Variants in INTS3 observed in about 807,000 individuals in gnomAD.
The protein encoded by INTS3 is SOSS complex subunit A.
INTS3 carries 34 observed loss-of-function variants against 146.3 expected under a neutral mutation model. The ratio of observed to expected loss-of-function variants is 0.23; its 90% CI spans 0.18 to 0.31. The LOEUF is 0.31. Among genes scored for constraint, INTS3 ranks in the 10% least tolerant of loss-of-function variants. The probability of loss-of-function intolerance (pLI) is 1.00; values close to 1 mark genes in which losing one functional copy is unlikely to be tolerated. For synonymous variants in INTS3, 475 were observed against 494.9 expected, an observed-to-expected ratio of 0.96 and a Z score of 0.53; for missense variants, 757 against 1,304.2, an observed-to-expected ratio of 0.58 and a Z score of 6.46.
chr1:153,751,365 C>A, intron 7 of INTS3, 126 bp downstream of exon 7: 1 of 916,662 alleles, frequency 1.1e-6, no homozygotes. Context: ...TGGTGTTTTC[C>A]ATCATTCATC....
chr1:153,750,098 A>T (rs893622224), intron 6 of INTS3, among the ~76,000 whole-genome samples: 2 of 152,342 alleles, frequency 1.3e-5, no homozygotes, highest in East Asian at 3.9e-4. Flanking sequence ...TGGCTAGTGT[A>T]TCCATTCTGT....
At chr1:153,748,843 G>A in intron 6 of INTS3, 88 bp downstream of exon 6, 1 of 1,078,442 alleles carries the variant, frequency 9.3e-7, no homozygotes, top group Non-Finnish European at 1.4e-6. Flanking sequence ...AGGATTGTGT[G>A]GCCCAAGAAC....
chr1:153,741,509 CT>C, intron 3 of INTS3, 141 bp downstream of exon 3: 1 of 619,168 alleles, frequency 1.6e-6, no homozygotes. Context: ...TTACAAGTCC[CT>C]TTTTACTCAG....
rs1234962536 is a variant in INTS3 at position 153,768,873 on chromosome 1, C to G, written c.2245-20C>G. The G allele has an allele frequency of 1.2e-6, 2 of 1,604,906 alleles. No individual in the cohort carries two copies. The highest frequency in any genetic ancestry group is 3.5e-4 in the Middle Eastern group (2 of 5,786). Reference sequence around the variant, plus strand: ...CTGAGGAGCCCATCCAGGACTCTTCCCCTCTCTTTTTCCATTTAGTTTCCA... The same window carrying G: ...CTGAGGAGCCCATCCAGGACTCTTCGCCTCTCTTTTTCCATTTAGTTTCCA... On this transcript the variant is annotated intron_variant, in intron 21 of 29. Transcript: ENST00000318967.
At chr1:153,771,772 C>T (rs1319319056) in intron 25 of INTS3, 24 bp from the exon 26 acceptor site, 23 of 1,600,942 alleles carry the variant, frequency 1.4e-5, no homozygotes, top group Admixed American at 5.0e-5. Context: ...GCAAGCAGCA[C>T]CCAGTGCCCC....
chr1:153,759,426 A>G, intron 10 of INTS3, 100 bp from the exon 11 acceptor site: 1 of 808,122 alleles, frequency 1.2e-6, no homozygotes, highest in East Asian at 2.4e-5. Flanking sequence ...AATTTCATAG[A>G]TGAAACAGCC....
Position 153,762,801 on chromosome 1 carries a change from T to C in INTS3, c.1590T>C (p.Asn530=). ...MSDKDESCYD[N]AEAAFSDDEE... is the part of the protein sequence containing the mutation. ...ATAAGGATGAGAGTTGCTATGACAA[T>C]GCAGAGGCAGCCTTCAGTGACGATG... The change falls in exon 15 of 30, where the codon AAT becomes AAC. Residue 530 remains asparagine, a synonymous_variant. Transcript: ENST00000318967. 2 of 1,614,148 alleles carry C rather than the reference T, an allele frequency of 1.2e-6. No homozygotes were observed. The highest frequency in any genetic ancestry group is 1.7e-6 in the Non-Finnish European group (2 of 1,180,036).
rs867764786 is a variant in INTS3, at chr1:153,764,824, G to A, written c.1970+90G>A. 116 of 1,529,722 alleles carry A rather than the reference G, an allele frequency of 7.6e-5. No individual in the cohort carries two copies. The African/African-American group carries it at 1.1e-3, about 14-fold the overall frequency. 94.8% of individuals were successfully genotyped at this position (1,529,722 alleles called of 1,614,324 possible). ...CTCCTGTCCTGGGGTAATGGGACTCGCTTTCCAGGGAGGAGGACATATGCT... is the reference window on the plus strand; with the variant it reads ...CTCCTGTCCTGGGGTAATGGGACTCACTTTCCAGGGAGGAGGACATATGCT... On this transcript the variant is annotated intron_variant, in intron 19 of 29. Transcript: ENST00000318967.
At chr1:153,746,855 G>GT (rs1411784092) in intron 3 of INTS3, 102 bp from the exon 4 acceptor site, 1 of 684,684 alleles carries the variant, frequency 1.5e-6, no homozygotes, top group Non-Finnish European at 2.6e-6. Flanking sequence ...TCTTATTGGT[G>GT]TTATTTAAGT....
At chr1:153,771,749 C>T in intron 25 of INTS3, 47 bp from the exon 26 acceptor site, 1 of 1,567,898 alleles carries the variant, frequency 6.4e-7, no homozygotes, top group South Asian at 1.2e-5. Context: ...CCAGCATGCC[C>T]TGCGGCCACT....
At chr1:153,734,855 T>C (rs1242008847) in intron 1 of INTS3, among the ~76,000 whole-genome samples, 1 of 152,230 alleles carries the variant, frequency 6.6e-6, no homozygotes, top group Admixed American at 6.5e-5. Context: ...GTAGGAGTTT[T>C]CAGGAATCTT....
At chr1:153,760,566 T>C in intron 12 of INTS3, 176 bp downstream of exon 12, 1 of 633,624 alleles carries the variant, frequency 1.6e-6, no homozygotes, top group South Asian at 1.9e-5. Context: ...CTGTCTGCAC[T>C]TGGATCTTCC....
chr1:153,768,866 ACTCTTCCCCT>A lies in INTS3; in HGVS notation c.2245-21_2245-12del, dbSNP rs1314031563. The stretch of plus-strand genomic sequence containing the variant: ...ATAAAAGCTGAGGAGCCCATCCAGG[ACTCTTCCCCT>A]CTCTTTTTCCATTTAGTTTCCAGAT... On this transcript the variant is annotated splice_polypyrimidine_tract_variant and intron_variant, in intron 21 of 29. Transcript: ENST00000318967. The A allele has an allele frequency of 1.3e-6, 2 of 1,587,376 alleles. No homozygotes were observed. Among genetic ancestry groups the A allele is most frequent in the African/African-American group, 2.7e-5 (2 of 74,268 alleles).
chr1:153,754,776 C>T lies in INTS3; in HGVS notation c.957+37C>T, dbSNP rs770701179. ...TGTTGCAGCAAGAGAAGAGGTCACA[C>T]GCTGGCTGGGCTTCTTGCTTCGGTC... On this transcript the variant is annotated intron_variant, in intron 9 of 29. Transcript: ENST00000318967. The T allele has an allele frequency of 7.5e-6, 10 of 1,337,034 alleles. No individual in the cohort carries two copies. In the East Asian group the frequency reaches 1.6e-4, roughly 21 times the overall value. 82.8% of individuals were successfully genotyped at this position (1,337,034 alleles called of 1,614,324 possible).
intron 20 of INTS3, among the ~76,000 whole-genome samples, chr1:153,765,766 C>G (rs889587463): frequency 6.6e-6 from 1 of 152,010 alleles, no homozygotes; most frequent in African/African-American, 2.4e-5. Flanking sequence ...GACAGGGTTT[C>G]TCTGTGTTGG....
At position 153,741,489 on chromosome 1, in the gene INTS3, C is replaced by T. The variant is rs998205752; in HGVS notation, c.318+121C>T. 3 of 705,322 alleles carry T rather than the reference C, an allele frequency of 4.3e-6. No individual in the cohort carries two copies. In the African/African-American group the frequency reaches 5.3e-5, roughly 13 times the overall value. 43.7% of individuals were successfully genotyped at this position (705,322 alleles called of 1,614,324 possible). Reference sequence around the variant, plus strand: ...GACCAGAGCTGGATCACCTTGTTCTCCAAATATAGTTACAAGTCCCTTTTT... The same window carrying T: ...GACCAGAGCTGGATCACCTTGTTCTTCAAATATAGTTACAAGTCCCTTTTT... On this transcript the variant is annotated intron_variant, in intron 3 of 29. Coordinates refer to ENST00000318967, the MANE Select transcript of INTS3 (RefSeq NM_023015.5).
intron 21 of INTS3, 68 bp from the exon 22 acceptor site, chr1:153,768,825 G>T: frequency 8.3e-7 from 1 of 1,208,552 alleles, no homozygotes; most frequent in Non-Finnish European, 1.2e-6. Context: ...AATAAGGAAG[G>T]AGAGTGGGCT....
intron 1 of INTS3, among the ~76,000 whole-genome samples, chr1:153,733,247 C>G (rs1671154469): frequency 9.9e-6 from 1 of 101,372 alleles, no homozygotes; most frequent in Non-Finnish European, 1.8e-5. Flanking sequence ...CAGTCTTGCT[C>G]TGTCTCCCAG....
chr1:153,732,527 C>T (rs1320373623), intron 1 of INTS3, among the ~76,000 whole-genome samples: 7 of 151,738 alleles, frequency 4.6e-5, no homozygotes, highest in Non-Finnish European at 1.0e-4. Flanking sequence ...CTAACTGAAA[C>T]CTCTGCCTCC....
Sources: gnomAD v4.1 joint callset for allele counts (sites outside exome capture counted in the v4.1 genomes callset) on GRCh38, gnomAD v4.1.1 for gene constraint, MANE v1.5 for transcripts, NCBI Gene and HGNC (gene_info 2026-07-23, HGNC 2026-07-21) for gene names.